The following KRT75 variants were observed in gnomAD, a reference collection of about 807,000 sequenced individuals.
KRT75 encodes keratin 75.
Under a neutral mutation model 48.8 loss-of-function variants are expected in KRT75, and 35 were observed. The observed-to-expected ratio is 0.72, with a 90% CI of 0.55 to 0.95. KRT75 has a LOEUF of 0.95. Among genes scored for constraint, KRT75 ranks in the 40% least tolerant of loss-of-function variants. The pLI, the probability that KRT75 is intolerant of heterozygous loss-of-function variation, is 0.00. For synonymous variants in KRT75, 301 were observed against 282.3 expected (o/e 1.07, Z -0.66); for missense variants, 776 against 709.9 (o/e 1.09, Z -1.06).
In KRT75 at chr12:52,433,091, C is replaced by T. The variant is rs751537697; in HGVS notation, c.660G>A (p.Arg220=). 1.2e-5 allele frequency: 20 copies of T among 1,613,946 alleles called. No homozygotes were observed. Among genetic ancestry groups the T allele is most frequent in the Non-Finnish European group, 5.9e-6 (7 of 1,180,030 alleles). The change falls in exon 2 of 9, where the codon AGG becomes AGA. Residue 220 remains arginine, a synonymous_variant. Coordinates refer to ENST00000252245, the MANE Select transcript of KRT75 (RefSeq NM_004693.3). The part of the protein sequence containing the change: ...QLESITTERG[R]LEAELRNMQD... ...GCATGTTCCTCAGTTCAGCTTCAAG[C>T]CTGCCCCTCTCGGTGGTGATGCTTT...
At position 52,424,676 on chromosome 12, in the gene KRT75, G is replaced by A. The variant is rs1555196735; in HGVS notation, c.1497C>T (p.Gly499=). 1.2e-6 allele frequency: 2 copies of A among 1,614,160 alleles called. No individual in the cohort carries two copies. The highest frequency in any genetic ancestry group is 1.7e-6 in the Non-Finnish European group (2 of 1,179,996). Residue 499 remains glycine, a synonymous_variant, in exon 9 of 9, where the codon GGC becomes GGT. Transcript: ENST00000252245. ...IGGGNLGLGG[G]SGYSFTTSGG... Reference sequence around the variant, plus strand: ...CACTGGTGGTGAAGGAGTAGCCGCTGCCCCCACCGAGGCCCAGGTTTCCAC... The same window carrying A: ...CACTGGTGGTGAAGGAGTAGCCGCTACCCCCACCGAGGCCCAGGTTTCCAC...
rs1940047510 is a variant in KRT75, at chr12:52,424,126, A to G, written c.*391T>C. 3.1e-6 allele frequency: 1 copy of G among 323,118 alleles called. No individual in the cohort carries two copies. The highest frequency in any genetic ancestry group is 2.1e-5 in the African/African-American group (1 of 46,874). The allele number at this position is 323,118 out of a possible 1,614,324, so 20.0% of individuals were successfully genotyped here. A position where few individuals can be genotyped will look rare whatever the true frequency, so the allele number is the denominator to read the frequency against. ...CAGGGAGGGAACAGAGGGAGCACTCACTCCCAGCAGGCCACTTATAAACAC... is the reference window on the plus strand; with the variant it reads ...CAGGGAGGGAACAGAGGGAGCACTCGCTCCCAGCAGGCCACTTATAAACAC... On this transcript the variant is annotated 3_prime_UTR_variant, in exon 9 of 9. Transcript: ENST00000252245.
chr12:52,426,925 T>C (rs1300820892), intron 7 of KRT75, 74 bp from the exon 8 acceptor site: 10 of 1,222,100 alleles, frequency 8.2e-6, no homozygotes, highest in South Asian at 1.2e-5. Flanking sequence ...AATGACACTT[T>C]TGTAATTGTT....
In KRT75 at chr12:52,430,579, G is replaced by A. The variant is rs2232396; in HGVS notation, c.997C>T (p.Arg333Cys). 2.8e-3 allele frequency: 4,581 copies of A among 1,614,112 alleles called. 6 individuals carry two copies. The highest frequency in any genetic ancestry group is 3.6e-3 in the Non-Finnish European group (4,191 of 1,180,010). Residue 333 changes from arginine (R) to cysteine (C), a missense_variant, in exon 5 of 9, where the codon CGC becomes TGC. By Grantham distance (180) the Arg-to-Cys change is radical. Transcript: ENST00000252245. ...CAGGACTCAGCCTCGGCCCGGCTGC[G>A]GTTGGCAATGTCCTCGTATTGTGCT... is the stretch of plus-strand genomic sequence containing the variant. ...VKAQYEDIAN[R>C]SRAEAESWYQ...
rs1940168427 is a variant in KRT75 at position 52,433,156 on chromosome 12, G to A, written c.595C>T (p.Leu199Phe). The A allele has an allele frequency of 1.2e-6, 2 of 1,614,042 alleles. No homozygotes were observed. The highest frequency in any genetic ancestry group is 4.5e-5 in the East Asian group (2 of 44,864). ...AGCTCACTGGTATAGGAATCAAAGAGGGGCTCTAGGTTCTGCCTCACAGTC... is the reference window on the plus strand; with the variant it reads ...AGCTCACTGGTATAGGAATCAAAGAAGGGCTCTAGGTTCTGCCTCACAGTC... ...SRTVRQNLEP[L>F]FDSYTSELRR... is the part of the protein sequence containing the mutation. Residue 199 changes from leucine (L) to phenylalanine (F), a missense_variant, in exon 2 of 9, where the codon CTC (leucine) becomes TTC (phenylalanine). Transcript: ENST00000252245.
rs1276653289 is a variant in KRT75, at chr12:52,430,556, G to A, written c.1020C>T (p.Ser340=). 1 of 1,614,032 alleles carries A rather than the reference G, an allele frequency of 6.2e-7. No homozygotes were observed. The highest frequency in any genetic ancestry group is 1.3e-5 in the African/African-American group (1 of 74,920). Residue 340 remains serine, a synonymous_variant, in exon 5 of 9, where the codon TCC becomes TCT. Coordinates refer to ENST00000252245, the MANE Select transcript of KRT75 (RefSeq NM_004693.3). Reference sequence around the variant, plus strand: ...CCATGCTCACCTTGGTCTGGTACCAGGACTCAGCCTCGGCCCGGCTGCGGT... The same window carrying A: ...CCATGCTCACCTTGGTCTGGTACCAAGACTCAGCCTCGGCCCGGCTGCGGT... The part of the protein sequence containing the change: ...IANRSRAEAE[S]WYQTKYEELQ...
rs1047223853 is a variant in KRT75, at chr12:52,424,259, T to C, written c.*258A>G. The C allele has an allele frequency of 1.8e-6, 1 of 546,240 alleles. No homozygotes were observed. The highest frequency in any genetic ancestry group is 3.3e-6 in the Non-Finnish European group (1 of 300,548). The allele number at this position is 546,240 out of a possible 1,614,324, so 33.8% of individuals were successfully genotyped here. On this transcript the variant is annotated 3_prime_UTR_variant, in exon 9 of 9. Transcript: ENST00000252245. ...GGAGGACTTTCCAGCTGCCCGGGCC[T>C]CGCAAGATAGGCTGAATGAGAGCCT...
chr12:52,431,761 G>T, intron 3 of KRT75, 123 bp from the exon 4 acceptor site: 1 of 854,574 alleles, frequency 1.2e-6, no homozygotes, highest in Non-Finnish European at 1.9e-6. Flanking sequence ...GGGTCTGGGT[G>T]ATTTGGGGTT....
At chr12:52,433,469 T>A (rs1940172947) in intron 1 of KRT75, among the ~76,000 whole-genome samples, 1 of 151,610 alleles carries the variant, frequency 6.6e-6, no homozygotes, top group Admixed American at 6.5e-5. Flanking sequence ...CCTAGAGGCT[T>A]CTGTTGGGGA....
rs943215570 is a variant in KRT75, at chr12:52,428,798, C to T, written c.1036-55G>A. 5.6e-5 allele frequency: 90 copies of T among 1,611,088 alleles called. No individual in the cohort carries two copies. The African/African-American group carries it at 8.5e-4, about 15-fold the overall frequency. On this transcript the variant is annotated intron_variant, in intron 5 of 8. Transcript: ENST00000252245. ...GAGTCAAATGCCTGGCCCAGGCACT[C>T]GCTGTGCACACAGACCCACCCTGGG...
intron 2 of KRT75, 111 bp from the exon 3 acceptor site, chr12:52,432,177 A>T: frequency 9.8e-7 from 1 of 1,024,892 alleles, no homozygotes. Flanking sequence ...TCTTCTGCTG[A>T]CCTGGGCATG....
intron 5 of KRT75, among the ~76,000 whole-genome samples, chr12:52,429,440 C>G (rs1940115781): frequency 1.3e-5 from 2 of 152,126 alleles, no homozygotes; most frequent in African/African-American, 4.8e-5. Flanking sequence ...AATTTAAGAG[C>G]AATAATTACA....
At chr12:52,431,456 C>T (rs1219391434) in intron 4 of KRT75, 87 bp downstream of exon 4, 3 of 1,006,714 alleles carry the variant, frequency 3.0e-6, no homozygotes, top group African/African-American at 3.2e-5. Context: ...TGGGCAGAGG[C>T]ACTGAATGAA....
chr12:52,430,902 C>T (rs982576952), intron 4 of KRT75, among the ~76,000 whole-genome samples, 197 bp from the exon 5 acceptor site: 30 of 152,200 alleles, frequency 2.0e-4, no homozygotes, highest in Admixed American at 1.8e-3. Flanking sequence ...CTCAAGGCTC[C>T]CATCTGTGTG....
chr12:52,430,552 A>G lies in KRT75; in HGVS notation c.1024T>C (p.Tyr342His). 2 of 1,614,094 alleles carry G rather than the reference A, an allele frequency of 1.2e-6. No homozygotes were observed. Among genetic ancestry groups the G allele is most frequent in the Non-Finnish European group, 1.7e-6 (2 of 1,179,972 alleles). Residue 342 changes from tyrosine to histidine, a missense_variant, in exon 5 of 9, where the codon TAC (tyrosine) becomes CAC (histidine). Physicochemically the swap from Tyr to His is moderately conservative, Grantham distance 83. Transcript: ENST00000252245. The part of the protein sequence containing the change: ...NRSRAEAESW[Y>H]QTKYEELQVT... ...GTGTCCATGCTCACCTTGGTCTGGT[A>G]CCAGGACTCAGCCTCGGCCCGGCTG...
chr12:52,428,288 G>C lies in KRT75; in HGVS notation c.1350C>G (p.Thr450=). Residue 450 remains threonine (T), a synonymous_variant, in exon 7 of 9, where the codon ACC becomes ACG. Transcript: ENST00000252245. ...IKLALDVEIA[T]YRKLLEGEEC... ...CCTCGCCTTCCAGCAGCTTGCGGTA[G>C]GTGGCGATCTCCACGTCCAGGGCCA... 6.2e-7 allele frequency: 1 copy of C among 1,614,096 alleles called. No homozygotes were observed. Among genetic ancestry groups the C allele is most frequent in the South Asian group, 1.1e-5 (1 of 91,078 alleles).
chr12:52,432,119 T>C (rs373388468), intron 2 of KRT75, 53 bp from the exon 3 acceptor site: 8 of 1,584,392 alleles, frequency 5.0e-6, no homozygotes, highest in African/African-American at 4.0e-5. Flanking sequence ...ATTGAACTCT[T>C]TCCAGGCTGG....
At position 52,433,990 on chromosome 12, in the gene KRT75, TC is replaced by T. The variant is rs1940183421; in HGVS notation, c.314del (p.Gly105GlufsTer27). The T allele has an allele frequency of 1.2e-6, 2 of 1,613,994 alleles. No homozygotes were observed. Among genetic ancestry groups the T allele is most frequent in the Non-Finnish European group, 1.7e-6 (2 of 1,180,014 alleles). On this transcript the variant is annotated frameshift_variant, in exon 1 of 9. Coordinates refer to ENST00000252245, the MANE Select transcript of KRT75 (RefSeq NM_004693.3). LOFTEE classifies it high-confidence loss of function. Reference sequence around the variant, plus strand: ...GGAAGCTGGGGCCACTGAAGCCTCCTCCAACTCCACCCCCATAGCCAAATCC... The same window carrying T: ...GGAAGCTGGGGCCACTGAAGCCTCCTCAACTCCACCCCCATAGCCAAATCC... ...NSGFGYGGGVGGGFSGPSFPV... is the reference protein window; with the variant it reads ...NSGFGYGGGVXGGFSGPSFPV...
At position 52,434,034 on chromosome 12, in the gene KRT75, T is replaced by C. The variant is rs298109; in HGVS notation, c.271A>G (p.Arg91Gly). Residue 91 changes from arginine to glycine, a missense_variant, in exon 1 of 9, where the codon AGG (arginine) becomes GGG (glycine). Physicochemically the swap from Arg to Gly is moderately radical, Grantham distance 125 (BLOSUM62 -2). Coordinates refer to ENST00000252245, the MANE Select transcript of KRT75 (RefSeq NM_004693.3). ...CCAAATCCACTGTTGACTCCAAACCTGTTGCTGGCCCTGCCACCAAAGCCA... is the reference window on the plus strand; with the variant it reads ...CCAAATCCACTGTTGACTCCAAACCCGTTGCTGGCCCTGCCACCAAAGCCA... ...RSGFGGRASN[R>G]FGVNSGFGYG... 0.59 allele frequency: 952,063 copies of C among 1,613,728 alleles called. 282,948 individuals carry two copies. Among genetic ancestry groups the C allele is most frequent in the East Asian group, 0.72 (32,106 of 44,822 alleles).
Sources: gnomAD v4.1 joint callset for allele counts (sites outside exome capture counted in the v4.1 genomes callset) on GRCh38, gnomAD v4.1.1 for gene constraint, MANE v1.5 for transcripts, NCBI Gene and HGNC (gene_info 2026-07-23, HGNC 2026-07-21) for gene names.